Variants in SIK3 observed in about 807,000 individuals in gnomAD.
SIK3 encodes the protein SIK family kinase 3.
Under a neutral mutation model 144.2 loss-of-function variants are expected in SIK3, and 28 were observed. That is an observed-to-expected ratio of 0.19 (90% CI 0.14 to 0.27). SIK3 has a LOEUF of 0.27. SIK3 is among the 10% of genes least tolerant of loss of function. SIK3 has a pLI of 1.00. For synonymous variants in SIK3, 686 were observed against 676.3 expected (o/e 1.01, Z -0.22); for missense variants, 1,319 against 1,776.0 (o/e 0.74, Z 4.62).
At position 116,857,936 on chromosome 11, in the gene SIK3, T is replaced by G. The variant is rs1395694463; in HGVS notation, c.3529A>C (p.Ser1177Arg). 6.2e-7 allele frequency: 1 copy of G among 1,614,204 alleles called. No individual in the cohort carries two copies. Among genetic ancestry groups the G allele is most frequent in the Admixed American group, 1.7e-5 (1 of 60,022 alleles). ...TCAGGGTCCCCAGGTCCACCGGTAC[T>G]CAAGAGCAGAGGGCTGTCATGGCAA... is the stretch of plus-strand genomic sequence containing the variant. ...KGCHDSPLLL[S>R]TGGPGDPESL... is the part of the protein sequence containing the mutation. The change falls in exon 21 of 25, where the codon AGT (serine) becomes CGT (arginine). Residue 1177 changes from serine to arginine, a missense_variant. Physicochemically the swap from Ser to Arg is moderately radical, Grantham distance 110 (BLOSUM62 -1). Around this residue, in one of 8 missense-constraint regions of SIK3, gnomAD observed 646 missense variants for 763.7 expected, o/e 0.85. Coordinates refer to ENST00000445177, the MANE Select transcript of SIK3 (RefSeq NM_001366686.3).
At chr11:116,899,049 G>A (rs570960198) in intron 4 of SIK3, among the ~76,000 whole-genome samples, 16 of 151,888 alleles carry the variant, frequency 1.1e-4, no homozygotes, top group Admixed American at 1.0e-3. Flanking sequence ...CCTTGCCCAT[G>A]CCTATGTCCT....
In SIK3 at chr11:116,844,970, C is replaced by G. The variant is rs936010606; in HGVS notation, c.*673G>C. ...TGCCAAACTCTTCATATGATCTTGG[C>G]TAGGACAGACATGTTTTCCGTGGAT... On this transcript the variant is annotated 3_prime_UTR_variant, in exon 25 of 25. Transcript: ENST00000445177. 2.0e-5 allele frequency: 3 copies of G among 152,048 alleles called. No homozygotes were observed. The highest frequency in any genetic ancestry group is 7.2e-5 in the African/African-American group (3 of 41,410). 9.4% of individuals were successfully genotyped at this position (152,048 alleles called of 1,614,324 possible).
chr11:117,029,020 C>T (rs1193080792), intron 1 of SIK3, among the ~76,000 whole-genome samples: 2 of 151,820 alleles, frequency 1.3e-5, no homozygotes, highest in African/African-American at 4.8e-5. Context: ...GTGATTTTCC[C>T]GCCTCAGCCT....
At chr11:117,074,021 T>C (rs968002988) in intron 1 of SIK3, among the ~76,000 whole-genome samples, 4 of 152,146 alleles carry the variant, frequency 2.6e-5, no homozygotes, top group African/African-American at 9.7e-5. Flanking sequence ...GCTCCTACCT[T>C]ATCCTTCCTA....
intron 1 of SIK3, among the ~76,000 whole-genome samples, chr11:117,055,726 G>A (rs556041115): frequency 2.0e-5 from 3 of 152,358 alleles, no homozygotes; most frequent in East Asian, 3.9e-4. Flanking sequence ...TGTTGCCAAC[G>A]TGATGGTATT....
intron 1 of SIK3, among the ~76,000 whole-genome samples, chr11:117,032,009 T>C (rs958948263): frequency 6.6e-6 from 1 of 152,208 alleles, no homozygotes; most frequent in African/African-American, 2.4e-5. Context: ...CTGTTATTCC[T>C]GCTTTTCTAT....
chr11:117,034,521 C>T (rs774288876), intron 1 of SIK3, among the ~76,000 whole-genome samples: 5 of 152,016 alleles, frequency 3.3e-5, no homozygotes, highest in Non-Finnish European at 7.4e-5. Flanking sequence ...TCAAGTAAGT[C>T]GGCCAAAACA....
At position 116,863,784 on chromosome 11, in the gene SIK3, G is replaced by A. The variant is rs866818820; in HGVS notation, c.1987C>T (p.Pro663Ser). ...CGCACAGGGGAGAAACGCTCCGTAG[G>A]GAGGTGCAGAGTGTTGGAGTCCTTG... is the stretch of plus-strand genomic sequence containing the variant. Reference protein sequence around the residue: ...TYKDSNTLHLPTERFSPVRRF... With the variant: ...TYKDSNTLHLSTERFSPVRRF... Residue 663 changes from proline to serine, a missense_variant, in exon 16 of 25, where the codon CCT becomes TCT. Coordinates refer to ENST00000445177, the MANE Select transcript of SIK3 (RefSeq NM_001366686.3). 3 of 1,613,998 alleles carry A rather than the reference G, an allele frequency of 1.9e-6. No homozygotes were observed. The highest frequency in any genetic ancestry group is 2.5e-6 in the Non-Finnish European group (3 of 1,179,922).
intron 3 of SIK3, among the ~76,000 whole-genome samples, chr11:116,929,156 A>C (rs888297314): frequency 6.6e-6 from 1 of 152,192 alleles, no homozygotes; most frequent in African/African-American, 2.4e-5. Flanking sequence ...GCTATGTTTT[A>C]AGAGGCCATT....
intron 3 of SIK3, among the ~76,000 whole-genome samples, chr11:116,927,922 C>A (rs1208119993): frequency 6.6e-6 from 1 of 152,216 alleles, no homozygotes; most frequent in Non-Finnish European, 1.5e-5. Flanking sequence ...GACATAAAAA[C>A]ACACTTACTC....
chr11:117,092,764 T>C (rs1281710322), intron 1 of SIK3, among the ~76,000 whole-genome samples: 2 of 152,204 alleles, frequency 1.3e-5, no homozygotes, highest in East Asian at 3.8e-4. Flanking sequence ...AAAGCATTTC[T>C]TTTTCTTTTC....
At chr11:116,952,626 C>T (rs1287751285) in intron 3 of SIK3, among the ~76,000 whole-genome samples, 1 of 152,154 alleles carries the variant, frequency 6.6e-6, no homozygotes, top group African/African-American at 2.4e-5. Flanking sequence ...GAAGATTTCC[C>T]TGATCTCCAA....
At chr11:116,944,943 G>A (rs1948506620) in intron 3 of SIK3, among the ~76,000 whole-genome samples, 1 of 151,640 alleles carries the variant, frequency 6.6e-6, no homozygotes, top group African/African-American at 2.4e-5. Flanking sequence ...TTCCTCAGGG[G>A]CACTAGCTAC....
chr11:117,062,657 AT>A (rs1953848408), intron 1 of SIK3, among the ~76,000 whole-genome samples: 1 of 152,156 alleles, frequency 6.6e-6, no homozygotes, highest in African/African-American at 2.4e-5. Context: ...GAAAAAAAAA[AT>A]TTAGCCATTT....
Position 116,847,578 on chromosome 11 carries a change from G to C in SIK3, c.3850C>G (p.Leu1284Val), listed in dbSNP as rs769129983. 3.1e-6 allele frequency: 5 copies of C among 1,614,058 alleles called. No homozygotes were observed. Among genetic ancestry groups the C allele is most frequent in the Non-Finnish European group, 4.2e-6 (5 of 1,180,034 alleles). Reference sequence around the variant, plus strand: ...GAGCTAAGTGCTTTCCCAGCCACGAGACTCATTCCTGGCAAGTTATCCAGC... The same window carrying C: ...GAGCTAAGTGCTTTCCCAGCCACGACACTCATTCCTGGCAAGTTATCCAGC... Reference protein sequence around the residue: ...VQLDNLPGMSLVAGKALSSAR... With the variant: ...VQLDNLPGMSVVAGKALSSAR... The change falls in exon 23 of 25, where the codon CTC (leucine) becomes GTC (valine). Residue 1284 changes from leucine (L) to valine (V), a missense_variant. Coordinates refer to ENST00000445177, the MANE Select transcript of SIK3 (RefSeq NM_001366686.3).
chr11:117,033,579 G>A (rs1306914357), intron 1 of SIK3, among the ~76,000 whole-genome samples: 11 of 151,710 alleles, frequency 7.3e-5, no homozygotes, highest in Non-Finnish European at 4.4e-5. Context: ...CGTCGTGGTG[G>A]GCGCCTGTAG....
intron 1 of SIK3, among the ~76,000 whole-genome samples, chr11:116,996,144 C>T (rs1950657845): frequency 6.6e-6 from 1 of 152,028 alleles, no homozygotes; most frequent in African/African-American, 2.4e-5. Flanking sequence ...CCTGTCTCTA[C>T]TAAAAATACA....
chr11:117,032,704 TCTCA>T (rs1234500428), intron 1 of SIK3, among the ~76,000 whole-genome samples: 3 of 151,572 alleles, frequency 2.0e-5, no homozygotes, highest in African/African-American at 4.8e-5. Context: ...AGAGATGGGT[TCTCA>T]CTATGTTGCC....
chr11:116,958,066 T>G (rs188251776), intron 1 of SIK3, among the ~76,000 whole-genome samples: 1 of 152,324 alleles, frequency 6.6e-6, no homozygotes, highest in Non-Finnish European at 1.5e-5. Flanking sequence ...GTTTCAATTA[T>G]GTAATCAGTA....
Sources: allele counts gnomAD v4.1 joint callset (sites outside exome capture counted in the v4.1 genomes callset), GRCh38; gene constraint gnomAD v4.1.1; regional missense constraint gnomAD v4.1.1; transcripts MANE v1.5; gene names NCBI Gene and HGNC (gene_info 2026-07-23, HGNC 2026-07-21).